ABCA4: variants seen among roughly 807,000 people sequenced by gnomAD.
ABCA4 encodes ATP binding cassette subfamily A member 4, also known as retinal-specific phospholipid-transporting ATPase ABCA4.
A neutral mutation model predicts 263.7 loss-of-function variants in ABCA4; 196 were observed. That is an observed-to-expected ratio of 0.74 (90% CI 0.66 to 0.84). ABCA4 has a LOEUF of 0.84. Ranked by LOEUF, ABCA4 falls within the 40% of genes least tolerant of loss-of-function variation. The probability of loss-of-function intolerance (pLI) is 0.00; values close to 1 mark genes in which losing one functional copy is unlikely to be tolerated. For missense variants in ABCA4, 2,792 were observed against 2,855.1 expected (o/e 0.98, Z 0.50); for synonymous variants, 1,133 against 1,094.2 (o/e 1.04, Z -0.70).
chr1:94,104,821 G>A lies in ABCA4; in HGVS notation c.443-1679C>T, dbSNP rs143852919. Among the ~76,000 whole-genome samples the A allele has an allele frequency of 1.3e-3, 198 of 152,178 alleles. 4 individuals carry two copies. The highest frequency in any genetic ancestry group is 0.01 in the Admixed American group (155 of 15,292). ...CTTCCCTCTTCAAAAACATAAATCC[G>A]GCTGTCTTCCAAACCCAGCCCTCCT... On this transcript the variant is annotated intron_variant, in intron 4 of 49. Transcript: ENST00000370225.
intron 6 of ABCA4, among the ~76,000 whole-genome samples, chr1:94,096,478 C>G (rs190293493): frequency 3.3e-5 from 5 of 152,252 alleles, no homozygotes; most frequent in Admixed American, 2.6e-4. Flanking sequence ...GTGCCTGATG[C>G]AGGTTTGAGT....
intron 6 of ABCA4, among the ~76,000 whole-genome samples, chr1:94,097,912 G>T (rs1201459772): frequency 6.6e-6 from 1 of 152,168 alleles, no homozygotes; most frequent in African/African-American, 2.4e-5. Context: ...ACCACACCTG[G>T]CTAATTTTTG....
intron 8 of ABCA4, among the ~76,000 whole-genome samples, 153 bp from the exon 9 acceptor site, chr1:94,079,614 C>G (rs1248024568): frequency 6.6e-6 from 1 of 152,206 alleles, no homozygotes; most frequent in Non-Finnish European, 1.5e-5. Context: ...CCACCAATAA[C>G]AAGCTCATCA....
intron 47 of ABCA4, among the ~76,000 whole-genome samples, chr1:94,000,241 C>G (rs903970572): frequency 6.6e-6 from 1 of 152,182 alleles, no homozygotes; most frequent in Admixed American, 6.5e-5. Flanking sequence ...ATGAGCACGG[C>G]AATATGCTGA....
chr1:94,078,739 G>T, intron 9 of ABCA4, 33 bp from the exon 10 acceptor site: 2 of 1,462,448 alleles, frequency 1.4e-6, no homozygotes. Flanking sequence ...ACAGAGACAC[G>T]AACAGAGAGA....
At chr1:94,096,787 G>T (rs755446675) in intron 6 of ABCA4, among the ~76,000 whole-genome samples, 2 of 152,144 alleles carry the variant, frequency 1.3e-5, no homozygotes, top group Admixed American at 1.3e-4. Context: ...TACCTATACT[G>T]GTGGCCAAGG....
intron 6 of ABCA4, among the ~76,000 whole-genome samples, chr1:94,098,063 T>A (rs1570421949): frequency 6.6e-6 from 1 of 152,338 alleles, no homozygotes; most frequent in South Asian, 2.1e-4. Flanking sequence ...GGCCCTCTGA[T>A]GGTTTTTATG....
intron 7 of ABCA4, among the ~76,000 whole-genome samples, chr1:94,082,588 A>G (rs1452290186): frequency 6.6e-6 from 1 of 152,260 alleles, no homozygotes; most frequent in Admixed American, 6.5e-5. Flanking sequence ...TTATAAAGAC[A>G]GATTCCAACC....
intron 49 of ABCA4, among the ~76,000 whole-genome samples, chr1:93,994,636 C>G (rs1658947944): frequency 6.6e-6 from 1 of 152,038 alleles, no homozygotes; most frequent in South Asian, 2.1e-4. Context: ...TTTTGCAAAC[C>G]TTTGTAAAGA....
intron 49 of ABCA4, among the ~76,000 whole-genome samples, chr1:93,995,157 C>T (rs893458358): frequency 5.3e-5 from 8 of 152,140 alleles, no homozygotes; most frequent in South Asian, 2.1e-4. Context: ...AAGACAAAGT[C>T]AGTTTTGCCA....
chr1:94,023,369 T>C lies in ABCA4; in HGVS notation c.4667+17A>G. On this transcript the variant is annotated intron_variant, in intron 32 of 49. Coordinates refer to ENST00000370225, the MANE Select transcript of ABCA4 (RefSeq NM_000350.3). Reference sequence around the variant, plus strand: ...AATCAATCTGAGATTTTAATTCTGATAAAAATAGTTTCTTACCTCTGTTCA... The same window carrying C: ...AATCAATCTGAGATTTTAATTCTGACAAAAATAGTTTCTTACCTCTGTTCA... The C allele has an allele frequency of 6.3e-7, 1 of 1,592,910 alleles. No homozygotes were observed. Among genetic ancestry groups the C allele is most frequent in the Non-Finnish European group, 8.6e-7 (1 of 1,161,412 alleles).
chr1:94,034,972 G>A (rs1660302873), intron 26 of ABCA4, among the ~76,000 whole-genome samples: 1 of 152,130 alleles, frequency 6.6e-6, no homozygotes, highest in Admixed American at 6.5e-5. Flanking sequence ...TGCAGATGGG[G>A]AAACAGGTAC....
At chr1:94,061,063 C>T (rs1661112070) in intron 13 of ABCA4, among the ~76,000 whole-genome samples, 1 of 152,148 alleles carries the variant, frequency 6.6e-6, no homozygotes, top group African/African-American at 2.4e-5. Context: ...TAAGGCCTTG[C>T]AAGGAAAAAA....
At position 94,031,113 on chromosome 1, in the gene ABCA4, A is replaced by G. The variant is rs1660190269; in HGVS notation, c.4136T>C (p.Leu1379Pro). 1 of 1,614,144 alleles carries G rather than the reference A, an allele frequency of 6.2e-7. No individual in the cohort carries two copies. Among genetic ancestry groups the G allele is most frequent in the Non-Finnish European group, 8.5e-7 (1 of 1,180,006 alleles). The change falls in exon 28 of 50, where the codon CTC becomes CCC. Residue 1379 changes from leucine to proline, a missense_variant. Physicochemically the swap from Leu to Pro is moderately conservative, Grantham distance 98 (BLOSUM62 -3). Coordinates refer to ENST00000370225, the MANE Select transcript of ABCA4 (RefSeq NM_000350.3). ...SHKDFLAQIV[L>P]PATFVFLALM... is the part of the protein sequence containing the mutation. Reference sequence around the variant, plus strand: ...AGCCAAAAACACAAAGGTAGCCGGGAGCACGATCTGTGGGAGAATAGACGT... The same window carrying G: ...AGCCAAAAACACAAAGGTAGCCGGGGGCACGATCTGTGGGAGAATAGACGT...
chr1:94,040,028 C>T lies in ABCA4; in HGVS notation c.3607+15G>A, dbSNP rs1482369645. ...CTGCCAGACGGAACCCAAGTATGGC[C>T]CGTCCAGTCCTTACCATCCAGGACT... On this transcript the variant is annotated intron_variant, in intron 24 of 49. Coordinates refer to ENST00000370225, the MANE Select transcript of ABCA4 (RefSeq NM_000350.3). 3 of 1,587,702 alleles carry T rather than the reference C, an allele frequency of 1.9e-6. No individual in the cohort carries two copies. The highest frequency in any genetic ancestry group is 2.6e-6 in the Non-Finnish European group (3 of 1,164,224).
intron 32 of ABCA4, among the ~76,000 whole-genome samples, chr1:94,022,318 G>T (rs575233855): frequency 6.6e-6 from 1 of 152,254 alleles, no homozygotes; most frequent in South Asian, 2.1e-4. Flanking sequence ...GCTCCCCTCG[G>T]CACCTTTCCC....
At chr1:94,018,938 G>T (rs1659815035) in intron 36 of ABCA4, among the ~76,000 whole-genome samples, 1 of 145,304 alleles carries the variant, frequency 6.9e-6, no homozygotes, top group Non-Finnish European at 1.5e-5. Flanking sequence ...TTATTATTTT[G>T]GCCACTGGCT....
At chr1:94,073,089 T>C (rs1389256537) in intron 11 of ABCA4, among the ~76,000 whole-genome samples, 2 of 152,148 alleles carry the variant, frequency 1.3e-5, no homozygotes, top group Non-Finnish European at 2.9e-5. Flanking sequence ...ATGGCCTCTC[T>C]GCTACTAAGC....
intron 23 of ABCA4, 137 bp downstream of exon 23, chr1:94,041,069 ATCT>A (rs1384370389): frequency 1.1e-6 from 1 of 900,010 alleles, no homozygotes; most frequent in South Asian, 1.4e-5. Flanking sequence ...GTTCATCGAA[ATCT>A]TCTGCAAATG....
Sources: gnomAD v4.1 joint callset for allele counts (sites outside exome capture counted in the v4.1 genomes callset) on GRCh38, gnomAD v4.1.1 for gene constraint, MANE v1.5 for transcripts, NCBI Gene and HGNC (gene_info 2026-07-23, HGNC 2026-07-21) for gene names.